RBCK1: variants seen among roughly 807,000 people sequenced by gnomAD.
The protein encoded by RBCK1 is ranBP-type and C3HC4-type zinc finger-containing protein 1.
Under a neutral mutation model 71.1 loss-of-function variants are expected in RBCK1, and 44 were observed. That is an observed-to-expected ratio of 0.62 (90% CI 0.49 to 0.80). The LOEUF is 0.80. RBCK1 is among the 30% of genes least tolerant of loss of function. RBCK1 has a pLI of 0.00. For missense variants in RBCK1, 569 were observed against 685.0 expected (o/e 0.83, Z 1.89); for synonymous variants, 306 against 279.7 (o/e 1.09, Z -0.94).
At position 422,327 on chromosome 20, in the gene RBCK1, CT is replaced by C. The variant is rs878914446; in HGVS notation, c.1029+101del. 90,256 of 794,148 alleles carry C rather than the reference CT, an allele frequency of 0.11. No homozygotes were observed. The highest frequency in any genetic ancestry group is 0.16 in the South Asian group (8,212 of 51,432). 49.2% of individuals were successfully genotyped at this position (794,148 alleles called of 1,614,324 possible). A position where few individuals can be genotyped will look rare whatever the true frequency, so the allele number is the denominator to read the frequency against. ...GGCAGCAGACATCTTTCTTTTCTTT[CT>C]TTTTTTTTTTTGGAGATGGGGTCTC... On this transcript the variant is annotated intron_variant, in intron 8 of 11. Coordinates refer to ENST00000356286, the MANE Select transcript of RBCK1 (RefSeq NM_031229.4). The surrounding 1 kb of genome is among the most constrained non-coding windows in gnomAD (Gnocchi z 5.0).
intron 1 of RBCK1, 167 bp from the exon 2 acceptor site, chr20:409,710 CCCCT>C: frequency 1.0e-6 from 1 of 982,358 alleles, no homozygotes; most frequent in Non-Finnish European, 1.5e-6. Context: ...TATTAGAGAA[CCCCT>C]CCCGGAGAAA....
chr20:414,245 T>C (rs1301523939), intron 2 of RBCK1, among the ~76,000 whole-genome samples: 2 of 152,082 alleles, frequency 1.3e-5, no homozygotes, highest in Admixed American at 6.6e-5. Flanking sequence ...ACCTTGTCTC[T>C]GCAAAAAATA....
At chr20:420,049 C>G in intron 6 of RBCK1, 8 of 970,198 alleles carry the variant, frequency 8.2e-6, no homozygotes, top group Non-Finnish European at 9.8e-6. Flanking sequence ...ATGACCCCAG[C>G]ACCCTAGCCA....
rs2016523956 is a variant in RBCK1 at position 422,965 on chromosome 20, C to T, written c.1029+727C>T. Among the ~76,000 whole-genome samples the T allele has an allele frequency of 6.6e-6, 1 of 152,252 alleles. No individual in the cohort carries two copies. ...GAGTCAGAGTTACAGCTTCTATTTC[C>T]AGGATTGCAAAGATTACAGTAGAGG... On this transcript the variant is annotated intron_variant, in intron 8 of 11. Transcript: ENST00000356286. This position sits in a 1 kb window ranked among gnomAD's most constrained non-coding sequence, Gnocchi z 5.0.
chr20:425,070 G>A (rs1283591276), intron 8 of RBCK1, among the ~76,000 whole-genome samples: 3 of 151,908 alleles, frequency 2.0e-5, no homozygotes, highest in Admixed American at 2.0e-4. Flanking sequence ...GAGTGCAATG[G>A]CGCGATCTCA....
chr20:422,208 G>C lies in RBCK1; in HGVS notation c.999G>C (p.Ser333=), dbSNP rs146181107. The C allele has an allele frequency of 6.2e-7, 1 of 1,613,450 alleles. No homozygotes were observed. Among genetic ancestry groups the C allele is most frequent in the Admixed American group, 1.7e-5 (1 of 60,008 alleles). The change falls in exon 8 of 12, where the codon TCG becomes TCC. Residue 333 remains serine (S), a synonymous_variant. Coordinates refer to ENST00000356286, the MANE Select transcript of RBCK1 (RefSeq NM_031229.4). The surrounding 1 kb of genome is among the most constrained non-coding windows in gnomAD (Gnocchi z 5.0). ...CPFIDNTYSC[S]GKLLEREIKA... ...TCATTGACAACACCTACTCGTGCTC[G>C]GGCAAGCTGCTGGAGAGGGAGATCA...
intron 7 of RBCK1, among the ~76,000 whole-genome samples, chr20:421,273 G>GA (rs937319962): frequency 6.6e-6 from 1 of 152,200 alleles, no homozygotes; most frequent in African/African-American, 2.4e-5. Flanking sequence ...GGCGTGGGGG[G>GA]AGACTCCCTT....
At chr20:411,168 G>A (rs1391532637) in intron 2 of RBCK1, among the ~76,000 whole-genome samples, 5 of 151,570 alleles carry the variant, frequency 3.3e-5, no homozygotes, top group Non-Finnish European at 7.4e-5. Flanking sequence ...ACTTAGGATC[G>A]TTTTCGAGAT....
rs1367891163 is a variant in RBCK1 at position 431,215 on chromosome 20, T to C, written c.*785T>C. Among the ~76,000 whole-genome samples, 1 of 152,154 alleles carries C rather than the reference T, an allele frequency of 6.6e-6. No individual in the cohort carries two copies. The highest frequency in any genetic ancestry group is 1.5e-5 in the Non-Finnish European group (1 of 68,026). The stretch of plus-strand genomic sequence containing the variant: ...GGTGGAGTGTGCAGTGTGTCAAGTC[T>C]GCAGAGAAGGATGGGCTTAGGGGCG... On this transcript the variant is annotated 3_prime_UTR_variant, in exon 12 of 12. Transcript: ENST00000356286. This position sits in a 1 kb window ranked among gnomAD's most constrained non-coding sequence, Gnocchi z 4.8.
At chr20:409,828 A>G in intron 1 of RBCK1, 53 bp from the exon 2 acceptor site, 2 of 1,581,420 alleles carry the variant, frequency 1.3e-6, no homozygotes, top group Non-Finnish European at 1.7e-6. Flanking sequence ...CATTACTCTC[A>G]GCTCCTGAAA....
At chr20:419,777 G>A (rs779511293) in intron 6 of RBCK1, 46 bp downstream of exon 6, 1 of 1,515,788 alleles carries the variant, frequency 6.6e-7, no homozygotes, top group South Asian at 1.2e-5. Flanking sequence ...CCGCACGGGG[G>A]AGGTGTAGGC....
At position 431,844 on chromosome 20, in the gene RBCK1, C is replaced by CACTG. The variant is rs1486315393; in HGVS notation, c.*1419_*1422dup. The stretch of plus-strand genomic sequence containing the variant: ...GGAGGCAGAAAGGCCCAGGCAGAAC[C>CACTG]ACTGACTGGGAGGAAACAGAAAAAG... On this transcript the variant is annotated 3_prime_UTR_variant, in exon 12 of 12. Transcript: ENST00000356286. The surrounding 1 kb of genome is among the most constrained non-coding windows in gnomAD (Gnocchi z 4.8). Among the ~76,000 whole-genome samples, 3 of 152,200 alleles carry CACTG rather than the reference C, an allele frequency of 2.0e-5. No individual in the cohort carries two copies. Among genetic ancestry groups the CACTG allele is most frequent in the Non-Finnish European group, 4.4e-5 (3 of 68,040 alleles).
Position 419,334 on chromosome 20 carries a change from C to T in RBCK1, c.461-13C>T, listed in dbSNP as rs1317785894. On this transcript the variant is annotated splice_polypyrimidine_tract_variant and intron_variant, in intron 4 of 11. Coordinates refer to ENST00000356286, the MANE Select transcript of RBCK1 (RefSeq NM_031229.4). ...GCCGCGTGGAACCACCACCCTTTAA[C>T]CCTCCTCCACAGATCTGGGCTTCAA... is the stretch of plus-strand genomic sequence containing the variant. 2.5e-6 allele frequency: 4 copies of T among 1,611,420 alleles called. No individual in the cohort carries two copies. Among genetic ancestry groups the T allele is most frequent in the Non-Finnish European group, 3.4e-6 (4 of 1,179,788 alleles).
chr20:423,376 C>T (rs182049875), intron 8 of RBCK1, among the ~76,000 whole-genome samples: 168 of 152,238 alleles, frequency 1.1e-3, no homozygotes, highest in Non-Finnish European at 5.0e-4. Flanking sequence ...TACTGTGTAA[C>T]AAATCACTGC....
chr20:414,776 C>A (rs939129269), intron 2 of RBCK1, among the ~76,000 whole-genome samples: 2 of 152,132 alleles, frequency 1.3e-5, no homozygotes, highest in Non-Finnish European at 2.9e-5. Context: ...TGTTTCAAAA[C>A]CCTTATTGCT....
rs926151456 is a variant in RBCK1, at chr20:417,405, G to A, written c.168-121G>A. ...ACCCCAGACTGGGGTTTGTGTGTGTGTGTGTGTGTGTGTGTGTGCATGGCC... is the reference window on the plus strand; with the variant it reads ...ACCCCAGACTGGGGTTTGTGTGTGTATGTGTGTGTGTGTGTGTGCATGGCC... On this transcript the variant is annotated intron_variant, in intron 2 of 11. Transcript: ENST00000356286. This position sits in a 1 kb window ranked among gnomAD's most constrained non-coding sequence, Gnocchi z 4.7. 1.2e-6 allele frequency: 1 copy of A among 855,078 alleles called. No individual in the cohort carries two copies. The highest frequency in any genetic ancestry group is 1.8e-5 in the Admixed American group (1 of 55,566). 53.0% of individuals were successfully genotyped at this position (855,078 alleles called of 1,614,324 possible). A position where few individuals can be genotyped will look rare whatever the true frequency, so the allele number is the denominator to read the frequency against.
In RBCK1 at chr20:428,152, C is replaced by G. The variant is rs2016833585; in HGVS notation, c.1210-339C>G. ...ATTGGGCCTGTAACCCCGGGCAGGCCCTTGTTAGGGATGCAGGGTCTCACC... is the reference window on the plus strand; with the variant it reads ...ATTGGGCCTGTAACCCCGGGCAGGCGCTTGTTAGGGATGCAGGGTCTCACC... On this transcript the variant is annotated intron_variant, in intron 9 of 11. Transcript: ENST00000356286. The surrounding 1 kb of genome is among the most constrained non-coding windows in gnomAD (Gnocchi z 5.7). 6.6e-6 allele frequency among the ~76,000 whole-genome samples: 1 copy of G among 152,160 alleles called. No individual in the cohort carries two copies. The highest frequency in any genetic ancestry group is 1.5e-5 in the Non-Finnish European group (1 of 68,036).
intron 1 of RBCK1, 120 bp from the exon 2 acceptor site, chr20:409,761 G>A (rs2015588313): frequency 2.7e-6 from 4 of 1,462,950 alleles, no homozygotes; most frequent in Non-Finnish European, 3.7e-6. Flanking sequence ...ATACGTAGGA[G>A]TTCACCAGGA....
intron 1 of RBCK1, among the ~76,000 whole-genome samples, chr20:409,202 T>G (rs1243359762): frequency 6.6e-6 from 1 of 152,208 alleles, no homozygotes; most frequent in African/African-American, 2.4e-5. Flanking sequence ...CCAGAGGCCC[T>G]GGGTGGCCCA....
Sources: gnomAD v4.1 joint callset for allele counts (sites outside exome capture counted in the v4.1 genomes callset) on GRCh38, gnomAD v4.1.1 for gene constraint, Gnocchi (gnomAD v3.1) non-coding constraint, MANE v1.5 for transcripts, NCBI Gene and HGNC (gene_info 2026-07-23, HGNC 2026-07-21) for gene names.